The following KCNH5 variants were observed in gnomAD, a reference collection of about 807,000 sequenced individuals.
KCNH5 encodes the protein potassium voltage-gated channel subfamily H member 5.
KCNH5 carries 46 observed loss-of-function variants against 96.1 expected under a neutral mutation model. The ratio of observed to expected loss-of-function variants is 0.48; its 90% CI spans 0.38 to 0.61. KCNH5 has a LOEUF of 0.61. Among genes scored for constraint, KCNH5 ranks in the 20% least tolerant of loss-of-function variants. The pLI, the probability that KCNH5 is intolerant of heterozygous loss-of-function variation, is 0.00. For synonymous variants in KCNH5, 439 were observed against 449.8 expected (o/e 0.98, Z 0.30); for missense variants, 907 against 1,225.8 (o/e 0.74, Z 3.88).
At chr14:62,743,267 T>G (rs1411659691) in intron 10 of KCNH5, among the ~76,000 whole-genome samples, 3 of 152,214 alleles carry the variant, frequency 2.0e-5, no homozygotes, top group African/African-American at 7.2e-5. Flanking sequence ...TAAATTAGTT[T>G]GGGACAGGGT....
intron 7 of KCNH5, among the ~76,000 whole-genome samples, chr14:62,926,419 C>T (rs1373116026): frequency 6.6e-6 from 1 of 152,022 alleles, no homozygotes; most frequent in African/African-American, 2.4e-5. Flanking sequence ...CACACACACG[C>T]ACACACACAC....
At chr14:62,967,319 C>A (rs915121427) in intron 6 of KCNH5, among the ~76,000 whole-genome samples, 11 of 151,914 alleles carry the variant, frequency 7.2e-5, no homozygotes, top group Non-Finnish European at 1.6e-4. Context: ...TGGGCTCAAG[C>A]AATCCTCCTT....
At chr14:62,708,614 AT>A (rs1251556133) in intron 10 of KCNH5, among the ~76,000 whole-genome samples, 159 bp from the exon 11 acceptor site, 1 of 152,230 alleles carries the variant, frequency 6.6e-6, no homozygotes, top group African/African-American at 2.4e-5. Context: ...CATTTATGGA[AT>A]TGCATTTATG....
At chr14:62,884,706 G>A (rs1341270069) in intron 7 of KCNH5, among the ~76,000 whole-genome samples, 1 of 152,170 alleles carries the variant, frequency 6.6e-6, no homozygotes. Flanking sequence ...ATTTTTAAAT[G>A]TGCCAGCTGT....
intron 6 of KCNH5, among the ~76,000 whole-genome samples, chr14:62,961,475 C>T (rs1317892392): frequency 6.6e-6 from 1 of 152,102 alleles, no homozygotes; most frequent in African/African-American, 2.4e-5. Context: ...AAAGTTAAGA[C>T]TCTTGTTTTA....
intron 1 of KCNH5, among the ~76,000 whole-genome samples, chr14:63,029,494 T>C (rs1409161659): frequency 6.6e-6 from 1 of 152,152 alleles, no homozygotes; most frequent in African/African-American, 2.4e-5. Context: ...CTGAGTTGTA[T>C]ATGCAGAGGT....
chr14:62,783,162 A>C (rs192172743), intron 9 of KCNH5, among the ~76,000 whole-genome samples: 10 of 152,322 alleles, frequency 6.6e-5, no homozygotes, highest in Admixed American at 6.5e-5. Flanking sequence ...CATACAGCAT[A>C]ATCTCATTTT....
intron 1 of KCNH5, among the ~76,000 whole-genome samples, chr14:63,034,172 C>G: frequency 6.6e-6 from 1 of 152,256 alleles, no homozygotes. Context: ...CCTGCCTCGG[C>G]CTTCCAAAGT....
chr14:62,839,623 A>G (rs1472349764), intron 8 of KCNH5, among the ~76,000 whole-genome samples: 2 of 152,236 alleles, frequency 1.3e-5, no homozygotes, highest in East Asian at 3.8e-4. Flanking sequence ...TTGGTATTAG[A>G]GTAATATTTT....
At chr14:62,883,409 T>C (rs2140078217) in intron 7 of KCNH5, among the ~76,000 whole-genome samples, 1 of 152,312 alleles carries the variant, frequency 6.6e-6, no homozygotes, top group South Asian at 2.1e-4. Context: ...TATGATTAAC[T>C]AGGGACGACT....
chr14:62,747,648 C>CA (rs1287947140), intron 10 of KCNH5, among the ~76,000 whole-genome samples: 13 of 152,162 alleles, frequency 8.5e-5, no homozygotes, highest in South Asian at 6.2e-4. Context: ...GCACATGCAG[C>CA]AAAACAGTAC....
intron 7 of KCNH5, among the ~76,000 whole-genome samples, chr14:62,896,027 T>C (rs528942007): frequency 6.6e-5 from 10 of 152,312 alleles, no homozygotes; most frequent in Non-Finnish European, 1.2e-4. Context: ...GCTTTCCCAG[T>C]AGGCAAAAAT....
chr14:63,020,285 C>T (rs1891401060), intron 1 of KCNH5, among the ~76,000 whole-genome samples: 1 of 152,028 alleles, frequency 6.6e-6, no homozygotes, highest in Non-Finnish European at 1.5e-5. Context: ...ATCTATGACC[C>T]AGAAATTTCA....
intron 8 of KCNH5, among the ~76,000 whole-genome samples, chr14:62,824,415 A>G (rs1234557716): frequency 6.6e-6 from 1 of 152,138 alleles, no homozygotes; most frequent in African/African-American, 2.4e-5. Context: ...ACAAGGTAAG[A>G]GGAGCATTAG....
At chr14:62,958,921 T>C (rs937193378) in intron 6 of KCNH5, among the ~76,000 whole-genome samples, 1 of 152,212 alleles carries the variant, frequency 6.6e-6, no homozygotes, top group African/African-American at 2.4e-5. Context: ...ACTCCATCCA[T>C]ACCCTCTTCA....
At chr14:63,024,290 G>A (rs545873564) in intron 1 of KCNH5, among the ~76,000 whole-genome samples, 28 of 151,682 alleles carry the variant, frequency 1.8e-4, no homozygotes, top group Middle Eastern at 3.4e-3. Flanking sequence ...AATAAAAATC[G>A]TTTTTAGAGG....
chr14:62,877,103 C>G (rs535893289), intron 7 of KCNH5, among the ~76,000 whole-genome samples: 3 of 152,210 alleles, frequency 2.0e-5, no homozygotes, highest in South Asian at 4.1e-4. Flanking sequence ...TCTGGATTCC[C>G]TATTTAATAA....
In KCNH5 at chr14:62,850,151, T is replaced by A. The variant is rs76949311; in HGVS notation, c.1370-299A>T. On this transcript the variant is annotated intron_variant, in intron 7 of 10. Coordinates refer to ENST00000322893, the MANE Select transcript of KCNH5 (RefSeq NM_139318.5). ...TATAATTTTCTGAAGAATCAGATGA[T>A]CCAAAGTTATAATTTAGCCTAAGAA... 1.2e-3 allele frequency among the ~76,000 whole-genome samples: 184 copies of A among 152,282 alleles called. 1 individual carries two copies. Among genetic ancestry groups the A allele is most frequent in the Non-Finnish European group, 2.1e-3 (141 of 68,006 alleles).
intron 7 of KCNH5, among the ~76,000 whole-genome samples, chr14:62,946,002 A>G (rs1006668430): frequency 1.6e-4 from 25 of 152,132 alleles, no homozygotes; most frequent in Non-Finnish European, 2.9e-4. Flanking sequence ...GAATGGTGTG[A>G]TCTGATTTGC....
Sources: gnomAD v4.1 joint callset for allele counts (sites outside exome capture counted in the v4.1 genomes callset) on GRCh38, gnomAD v4.1.1 for gene constraint, MANE v1.5 for transcripts, NCBI Gene and HGNC (gene_info 2026-07-23, HGNC 2026-07-21) for gene names.